GABRG1: variants seen among roughly 807,000 people sequenced by gnomAD.
GABRG1 encodes the protein gamma-aminobutyric acid receptor subunit gamma-1.
In GABRG1, 49 loss-of-function variants were observed where a neutral mutation model predicts 49.8. That is an observed-to-expected ratio of 0.98 (90% CI 0.78 to 1.25). The LOEUF is 1.25. GABRG1 is among the 50% of genes most tolerant of loss of function. The pLI is 0.00. For missense variants in GABRG1, 552 were observed against 552.3 expected (o/e 1.00, Z 0.01); for synonymous variants, 232 against 185.1 (o/e 1.25, Z -2.06).
At chr4:46,100,722 A>AAG in intron 1 of GABRG1, among the ~76,000 whole-genome samples, 1 of 144,024 alleles carries the variant, frequency 6.9e-6, no homozygotes, top group African/African-American at 2.6e-5. Context: ...AAAAAAAAAA[A>AAG]GCTTTTTCTG....
rs139366678 is a variant in GABRG1 at position 46,060,330 on chromosome 4, G to A, written c.626-1708C>T. Among the ~76,000 whole-genome samples, 52 of 151,942 alleles carry A rather than the reference G, an allele frequency of 3.4e-4. 1 individual carries two copies. The highest frequency in any genetic ancestry group is 1.1e-3 in the Admixed American group (16 of 15,222). On this transcript the variant is annotated intron_variant, in intron 5 of 8. Coordinates refer to ENST00000295452, the MANE Select transcript of GABRG1 (RefSeq NM_173536.4). ...ATCTCAACTGGTCAGGCTTTTGTAT[G>A]CCAACTTTATGTGGAGATTATGTTC...
At chr4:46,094,123 T>C (rs1720094610) in intron 2 of GABRG1, among the ~76,000 whole-genome samples, 1 of 151,962 alleles carries the variant, frequency 6.6e-6, no homozygotes, top group Non-Finnish European at 1.5e-5. Context: ...AAGCAGTACA[T>C]GAGAAAATTT....
intron 1 of GABRG1, among the ~76,000 whole-genome samples, chr4:46,107,373 C>T (rs556545430): frequency 6.6e-6 from 1 of 151,264 alleles, no homozygotes; most frequent in Non-Finnish European, 1.5e-5. Context: ...TTATTTTTAA[C>T]ATGATTATAC....
At chr4:46,086,046 C>T in intron 2 of GABRG1, among the ~76,000 whole-genome samples, 1 of 151,306 alleles carries the variant, frequency 6.6e-6, no homozygotes, top group East Asian at 1.9e-4. Flanking sequence ...ATGAGAAAAC[C>T]ATGTACTGCC....
chr4:46,124,007 G>A lies in GABRG1; in HGVS notation c.-94C>T, dbSNP rs1721178132. 6 of 907,514 alleles carry A rather than the reference G, an allele frequency of 6.6e-6. No individual in the cohort carries two copies. Among genetic ancestry groups the A allele is most frequent in the African/African-American group, 1.6e-5 (1 of 60,986 alleles). The allele number at this position is 907,514 out of a possible 1,614,324, so 56.2% of individuals were successfully genotyped here. A position where few individuals can be genotyped will look rare whatever the true frequency, so the allele number is the denominator to read the frequency against. ...GCAGCAGCTGGCTGAGTACAGAAGG[G>A]AGAGTGTGGAAAGGCAGTGCACCTC... On this transcript the variant is annotated 5_prime_UTR_variant, in exon 1 of 9. Transcript: ENST00000295452.
chr4:46,104,394 G>A (rs1473386750), intron 1 of GABRG1, among the ~76,000 whole-genome samples: 1 of 151,422 alleles, frequency 6.6e-6, no homozygotes, highest in Admixed American at 6.6e-5. Context: ...ATGTTAAGAT[G>A]AATTTATTGC....
chr4:46,087,234 A>G (rs565471785), intron 2 of GABRG1, among the ~76,000 whole-genome samples: 21 of 151,634 alleles, frequency 1.4e-4, no homozygotes, highest in Non-Finnish European at 3.1e-4. Context: ...TCACTAGTAA[A>G]GCAACAAAAA....
chr4:46,117,550 G>GTCTCTCTCTCTCTC (rs373546541), intron 1 of GABRG1, among the ~76,000 whole-genome samples: 14 of 116,680 alleles, frequency 1.2e-4, no homozygotes, highest in African/African-American at 3.6e-4. Flanking sequence ...TGTTATCTCT[G>GTCTCTCTCTCTCTC]TCTCTCTCTC....
At chr4:46,045,445 A>G (rs1325949916) in intron 8 of GABRG1, among the ~76,000 whole-genome samples, 1 of 152,062 alleles carries the variant, frequency 6.6e-6, no homozygotes, top group Non-Finnish European at 1.5e-5. Context: ...AGGAGAAAAT[A>G]GAAATTAATT....
chr4:46,045,295 T>G (rs1717951013), intron 8 of GABRG1, among the ~76,000 whole-genome samples: 1 of 152,020 alleles, frequency 6.6e-6, no homozygotes, highest in Admixed American at 6.6e-5. Flanking sequence ...TTGTAAATTT[T>G]TAATAAGCTA....
chr4:46,041,080 T>C lies in GABRG1; in HGVS notation c.1306A>G (p.Ile436Val), dbSNP rs1232260380. ...SWREGRIHIR[I>V]AKIDSYSRIF... ...CTAGAATAAGAGTCAATTTTGGCAATGCGTATGTGTATCCTTCCTTCCCTC... is the reference window on the plus strand; with the variant it reads ...CTAGAATAAGAGTCAATTTTGGCAACGCGTATGTGTATCCTTCCTTCCCTC... The change falls in exon 9 of 9, where the codon ATT (isoleucine) becomes GTT (valine). Residue 436 changes from isoleucine (I) to valine (V), a missense_variant. Ile to Val is a conservative substitution (Grantham distance 29). Coordinates refer to ENST00000295452, the MANE Select transcript of GABRG1 (RefSeq NM_173536.4). 2.5e-6 allele frequency: 4 copies of C among 1,613,030 alleles called. No individual in the cohort carries two copies. The highest frequency in any genetic ancestry group is 1.3e-5 in the African/African-American group (1 of 74,870).
At chr4:46,077,429 A>G (rs1264486797) in intron 3 of GABRG1, among the ~76,000 whole-genome samples, 1 of 152,070 alleles carries the variant, frequency 6.6e-6, no homozygotes, top group African/African-American at 2.4e-5. Context: ...GATCATAACA[A>G]TGGTGACCAC....
chr4:46,087,959 T>C (rs1302598024), intron 2 of GABRG1, among the ~76,000 whole-genome samples: 8 of 152,064 alleles, frequency 5.3e-5, no homozygotes, highest in Non-Finnish European at 1.5e-5. Context: ...TGTTTAAATT[T>C]AAATAGAAAT....
At chr4:46,112,408 A>G (rs577333541) in intron 1 of GABRG1, among the ~76,000 whole-genome samples, 5 of 151,482 alleles carry the variant, frequency 3.3e-5, no homozygotes, top group African/African-American at 1.2e-4. Flanking sequence ...AGTTCTGCCA[A>G]TGTGGAAAGC....
chr4:46,085,784 C>T lies in GABRG1; in HGVS notation c.254-1731G>A, dbSNP rs553270221. On this transcript the variant is annotated intron_variant, in intron 2 of 8. Transcript: ENST00000295452. ...TGAGTAATATTACTTAAAATACAGG[C>T]TTTTGGAAATTGACTAAGTACTCTT... 4.6e-5 allele frequency among the ~76,000 whole-genome samples: 7 copies of T among 151,584 alleles called. No individual in the cohort carries two copies. The East Asian group carries it at 1.4e-3, about 29-fold the overall frequency.
intron 3 of GABRG1, among the ~76,000 whole-genome samples, chr4:46,071,440 T>C (rs987056384): frequency 1.3e-5 from 2 of 148,672 alleles, no homozygotes; most frequent in Non-Finnish European, 3.0e-5. Flanking sequence ...ATATATAATA[T>C]ATAAATATAT....
At chr4:46,095,346 T>A (rs1477524009) in intron 2 of GABRG1, among the ~76,000 whole-genome samples, 2 of 151,850 alleles carry the variant, frequency 1.3e-5, no homozygotes, top group Non-Finnish European at 2.9e-5. Context: ...AACTTTATGT[T>A]CCTAAATAAA....
At chr4:46,056,698 G>A (rs1718464261) in intron 7 of GABRG1, among the ~76,000 whole-genome samples, 1 of 152,036 alleles carries the variant, frequency 6.6e-6, no homozygotes, top group South Asian at 2.1e-4. Context: ...AACACTGCTT[G>A]TTTAACAGAA....
chr4:46,098,505 C>A (rs1720265192), intron 1 of GABRG1, among the ~76,000 whole-genome samples: 1 of 151,738 alleles, frequency 6.6e-6, no homozygotes, highest in African/African-American at 2.4e-5. Flanking sequence ...TCTATTCAGA[C>A]CTCTTTTGCT....
Sources: allele counts gnomAD v4.1 joint callset (sites outside exome capture counted in the v4.1 genomes callset), GRCh38; gene constraint gnomAD v4.1.1; transcripts MANE v1.5; gene names NCBI Gene and HGNC (gene_info 2026-07-23, HGNC 2026-07-21).